The following IQGAP3 variants were observed in gnomAD, a reference collection of about 807,000 sequenced individuals.
The protein encoded by IQGAP3 is IQ motif containing GTPase activating protein 3.
In IQGAP3, 165 loss-of-function variants were observed where a neutral mutation model predicts 208.2. The ratio of observed to expected loss-of-function variants is 0.79; its 90% CI spans 0.70 to 0.90. The LOEUF (loss-of-function observed/expected upper bound fraction) is 0.90, where lower values mean the gene tolerates loss of function less well. IQGAP3 is among the 40% of genes least tolerant of loss of function. The pLI, the probability that IQGAP3 is intolerant of heterozygous loss-of-function variation, is 0.00. For missense variants in IQGAP3, 1,811 were observed against 2,043.1 expected, an observed-to-expected ratio of 0.89 and a Z score of 2.19; for synonymous variants, 703 against 803.6, an observed-to-expected ratio of 0.87 and a Z score of 2.12.
rs1674006804 is a variant in IQGAP3 at position 156,525,671 on chromosome 1, TA to T, written c.*814del. The T allele has an allele frequency of 1.9e-5, 2 of 107,890 alleles. No homozygotes were observed. The highest frequency in any genetic ancestry group is 5.7e-4 in the East Asian group (2 of 3,532). The allele number at this position is 107,890 out of a possible 1,614,324, so 6.7% of individuals were successfully genotyped here. Reference sequence around the variant, plus strand: ...ACCTAAGGTGACTTTAAATCCAAGGTAAAAAACACGGCATGGGTATTAGTTT... The same window carrying T: ...ACCTAAGGTGACTTTAAATCCAAGGTAAAAACACGGCATGGGTATTAGTTT... On this transcript the variant is annotated 3_prime_UTR_variant, in exon 38 of 38. Coordinates refer to ENST00000361170, the MANE Select transcript of IQGAP3 (RefSeq NM_178229.5).
chr1:156,534,550 G>A lies in IQGAP3; in HGVS notation c.3691C>T (p.His1231Tyr). 3 of 1,609,322 alleles carry A rather than the reference G, an allele frequency of 1.9e-6. No individual in the cohort carries two copies. The highest frequency in any genetic ancestry group is 2.5e-6 in the Non-Finnish European group (3 of 1,177,552). Reference sequence around the variant, plus strand: ...AGATAGTCATTCAGGACCCGTAGGTGCTGGCTCTGCCCAGAGAAGGCCTTG... The same window carrying A: ...AGATAGTCATTCAGGACCCGTAGGTACTGGCTCTGCCCAGAGAAGGCCTTG... ...AGKAFSGQSQ[H>Y]LRVLNDYLEE... Residue 1231 changes from histidine to tyrosine, a missense_variant, in exon 29 of 38, where the codon CAC (histidine) becomes TAC (tyrosine). Coordinates refer to ENST00000361170, the MANE Select transcript of IQGAP3 (RefSeq NM_178229.5).
At chr1:156,565,921 G>T in intron 4 of IQGAP3, 106 bp downstream of exon 4, 1 of 832,594 alleles carries the variant, frequency 1.2e-6, no homozygotes, top group Non-Finnish European at 2.0e-6. Context: ...TAGTTTAGAA[G>T]ACACATGGAA....
At position 156,538,871 on chromosome 1, in the gene IQGAP3, T is replaced by G. The variant is rs1674836711; in HGVS notation, c.3219A>C (p.Thr1073=). The part of the protein sequence containing the change: ...VLEDKVLSVH[T]DPVHLYKNWI... Reference sequence around the variant, plus strand: ...AGTTCTTATAGAGGTGGACAGGGTCTGTGTGGACGCTGAGCACTTTGTCTT... The same window carrying G: ...AGTTCTTATAGAGGTGGACAGGGTCGGTGTGGACGCTGAGCACTTTGTCTT... The change falls in exon 26 of 38, where the codon ACA becomes ACC. Residue 1073 remains threonine, a synonymous_variant. Transcript: ENST00000361170. 1 of 1,614,078 alleles carries G rather than the reference T, an allele frequency of 6.2e-7. No individual in the cohort carries two copies. Among genetic ancestry groups the G allele is most frequent in the South Asian group, 1.1e-5 (1 of 91,088 alleles).
At chr1:156,532,191 A>G in intron 32 of IQGAP3, among the ~76,000 whole-genome samples, 1 of 151,730 alleles carries the variant, frequency 6.6e-6, no homozygotes, top group African/African-American at 2.4e-5. Context: ...GTTCAAAATC[A>G]GGCTGGCCAA....
chr1:156,539,590 T>C, intron 24 of IQGAP3, 53 bp from the exon 25 acceptor site: 7 of 1,576,380 alleles, frequency 4.4e-6, no homozygotes, highest in Non-Finnish European at 6.1e-6. Flanking sequence ...CAAGGACCAG[T>C]GATAGGATAA....
intron 37 of IQGAP3, 63 bp downstream of exon 37, chr1:156,527,889 C>G: frequency 4.4e-6 from 5 of 1,127,852 alleles, no homozygotes; most frequent in Non-Finnish European, 6.7e-6. Flanking sequence ...GCCAGCTGCT[C>G]TCTTCAGGCC....
intron 4 of IQGAP3, among the ~76,000 whole-genome samples, chr1:156,565,464 C>A (rs1164959744): frequency 1.3e-5 from 2 of 152,174 alleles, no homozygotes; most frequent in Non-Finnish European, 2.9e-5. Flanking sequence ...CAGAAAGAAA[C>A]CATACATTGT....
In IQGAP3 at chr1:156,529,049, G is replaced by A. The variant is rs1405303915; in HGVS notation, c.4438C>T (p.Arg1480Trp). ...IRNQHRHRHR[R>W]KAELVKLQAT... ...TGCAGCTTCACCAGCTCTGCCTTCC[G>A]CCTGTGCCTGTGTCTGTGCTGGTTG... The change falls in exon 35 of 38, where the codon CGG becomes TGG. Residue 1480 changes from arginine to tryptophan, a missense_variant. Arg to Trp is a moderately radical substitution (Grantham distance 101). Transcript: ENST00000361170. 9.3e-6 allele frequency: 15 copies of A among 1,614,062 alleles called. No homozygotes were observed. Among genetic ancestry groups the A allele is most frequent in the Non-Finnish European group, 1.2e-5 (14 of 1,180,046 alleles).
chr1:156,529,101 T>G lies in IQGAP3; in HGVS notation c.4405-19A>C. On this transcript the variant is annotated intron_variant, in intron 34 of 37. Transcript: ENST00000361170. ...GGATGTCCTGGGGTTGGGGAACAGA[T>G]GGAGGGATGAGTGGTCCTTCCTGGC... 6.2e-7 allele frequency: 1 copy of G among 1,613,066 alleles called. No homozygotes were observed. Among genetic ancestry groups the G allele is most frequent in the Non-Finnish European group, 8.5e-7 (1 of 1,179,198 alleles).
At position 156,526,056 on chromosome 1, in the gene IQGAP3, G is replaced by A; in HGVS notation, c.*430C>T. 1 of 192,338 alleles carries A rather than the reference G, an allele frequency of 5.2e-6. No homozygotes were observed. The highest frequency in any genetic ancestry group is 1.2e-4 in the East Asian group (1 of 8,202). The allele number at this position is 192,338 out of a possible 1,614,324, so 11.9% of individuals were successfully genotyped here. A position where few individuals can be genotyped will look rare whatever the true frequency, so the allele number is the denominator to read the frequency against. ...GGAACACCCACTGCTGATGCAGTGG[G>A]AGGTAGGGATGGGGAGCCTGGCCCT... On this transcript the variant is annotated 3_prime_UTR_variant, in exon 38 of 38. Coordinates refer to ENST00000361170, the MANE Select transcript of IQGAP3 (RefSeq NM_178229.5).
In IQGAP3 at chr1:156,563,233, G is replaced by C. The variant is rs369705534; in HGVS notation, c.699C>G (p.Pro233=). The C allele has an allele frequency of 6.2e-7, 1 of 1,613,302 alleles. No individual in the cohort carries two copies. The highest frequency in any genetic ancestry group is 8.5e-7 in the Non-Finnish European group (1 of 1,179,336). Residue 233 remains proline (P), a synonymous_variant, in exon 8 of 38, where the codon CCC becomes CCG. Coordinates refer to ENST00000361170, the MANE Select transcript of IQGAP3 (RefSeq NM_178229.5). ...CTCGGAGATTCTCCAGAAGAGCACT[G>C]GGATTCTGCAAGGCAGCCAGGGTGT... ...VEDTLAALQN[P]SALLENLREP...
chr1:156,563,400 C>A, intron 7 of IQGAP3, 88 bp from the exon 8 acceptor site: 2 of 1,433,550 alleles, frequency 1.4e-6, no homozygotes, highest in Non-Finnish European at 1.9e-6. Context: ...TAATGTCATC[C>A]TTTTTCCCAC....
In IQGAP3 at chr1:156,554,340, A is replaced by ACCACAGCTGAGAGCATCT; in HGVS notation, c.1325_1342dup (p.Glu442_Val447dup). 1 of 1,613,940 alleles carries ACCACAGCTGAGAGCATCT rather than the reference A, an allele frequency of 6.2e-7. No individual in the cohort carries two copies. The highest frequency in any genetic ancestry group is 8.5e-7 in the Non-Finnish European group (1 of 1,179,946). On this transcript the variant is annotated inframe_insertion, in exon 13 of 38. Transcript: ENST00000361170. ...GGCCTCCAGGGCCCGGTTAATCAGGACCACAGCTGAGAGCATCTCCACAGC... is the reference window on the plus strand; with the variant it reads ...GGCCTCCAGGGCCCGGTTAATCAGGACCACAGCTGAGAGCATCTCCACAGCTGAGAGCATCTCCACAGC...
rs1676118853 is a variant in IQGAP3 at position 156,560,929 on chromosome 1, C to T, written c.1129+5G>A. The T allele has an allele frequency of 1.2e-6, 2 of 1,608,248 alleles. No individual in the cohort carries two copies. The highest frequency in any genetic ancestry group is 1.7e-6 in the Non-Finnish European group (2 of 1,174,960). ...GAGCAGGCCTCAGACCTGCAGATGA[C>T]TTACTGGCTTGTTCCTGATCACCCT... On this transcript the variant is annotated splice_donor_5th_base_variant and intron_variant, in intron 11 of 37. Coordinates refer to ENST00000361170, the MANE Select transcript of IQGAP3 (RefSeq NM_178229.5).
intron 1 of IQGAP3, among the ~76,000 whole-genome samples, chr1:156,571,434 T>C (rs1327715637): frequency 1.3e-5 from 2 of 152,130 alleles, no homozygotes; most frequent in Non-Finnish European, 2.9e-5. Flanking sequence ...CTTATATGAA[T>C]GAGCAGTTAA....
Position 156,551,728 on chromosome 1 carries a change from C to T in IQGAP3, c.1711G>A (p.Ala571Thr), listed in dbSNP as rs776809867. 1.9e-6 allele frequency: 3 copies of T among 1,612,268 alleles called. No individual in the cohort carries two copies. Among genetic ancestry groups the T allele is most frequent in the South Asian group, 1.1e-5 (1 of 90,852 alleles). ...VAPRYHLLLV[A>T]AKRQKAQVTG... ...ACCTGGGCCTTCTGCCTTTTGGCTGCCACAAGGAGGAGATGGTACCGAGGG... is the reference window on the plus strand; with the variant it reads ...ACCTGGGCCTTCTGCCTTTTGGCTGTCACAAGGAGGAGATGGTACCGAGGG... Residue 571 changes from alanine (A) to threonine (T), a missense_variant, in exon 15 of 38, where the codon GCA (alanine) becomes ACA (threonine). Transcript: ENST00000361170.
rs775807182 is a variant in IQGAP3 at position 156,526,455 on chromosome 1, A to G, written c.*31T>C. On this transcript the variant is annotated 3_prime_UTR_variant, in exon 38 of 38. Transcript: ENST00000361170. The stretch of plus-strand genomic sequence containing the variant: ...GTTAAAGAAAGCATCCAGAGAGGTA[A>G]GAGGGGCTTGGGTAGCACCCTTTGC... 2.9e-6 allele frequency: 4 copies of G among 1,376,386 alleles called. No homozygotes were observed. In the Admixed American group the frequency reaches 6.7e-5, roughly 23 times the overall value. 85.3% of individuals were successfully genotyped at this position (1,376,386 alleles called of 1,614,324 possible).
rs1355117934 is a variant in IQGAP3, at chr1:156,544,241, C to T, written c.2389-18G>A. The T allele has an allele frequency of 6.2e-7, 1 of 1,613,898 alleles. No individual in the cohort carries two copies. The highest frequency in any genetic ancestry group is 8.5e-7 in the Non-Finnish European group (1 of 1,179,838). On this transcript the variant is annotated intron_variant, in intron 20 of 37. Coordinates refer to ENST00000361170, the MANE Select transcript of IQGAP3 (RefSeq NM_178229.5). ...GCCTGGATCTGGGAGAAGAAACACA[C>T]TGCCTCAGCTCCAGCTTGGGGCCCA...
intron 4 of IQGAP3, among the ~76,000 whole-genome samples, chr1:156,565,031 T>C (rs1424816029): frequency 6.6e-6 from 1 of 152,178 alleles, no homozygotes; most frequent in East Asian, 1.9e-4. Context: ...GGCCCCCAGT[T>C]GTCTTCCAGA....
Sources: allele counts gnomAD v4.1 joint callset (sites outside exome capture counted in the v4.1 genomes callset), GRCh38; gene constraint gnomAD v4.1.1; transcripts MANE v1.5; gene names NCBI Gene and HGNC (gene_info 2026-07-23, HGNC 2026-07-21).